Variants in CNTN5 observed in about 807,000 individuals in gnomAD.
CNTN5 encodes contactin 5.
CNTN5 carries 77 observed loss-of-function variants against 129.1 expected under a neutral mutation model. The observed-to-expected ratio is 0.60, with a 90% CI of 0.50 to 0.72. The LOEUF (loss-of-function observed/expected upper bound fraction) is 0.72. Among genes scored for constraint, CNTN5 ranks in the 30% least tolerant of loss-of-function variants. CNTN5 has a pLI of 0.00. For missense variants in CNTN5, 1,478 were observed against 1,328.8 expected, an observed-to-expected ratio of 1.11 and a Z score of -1.75; for synonymous variants, 509 against 465.6, an observed-to-expected ratio of 1.09 and a Z score of -1.20.
chr11:99,667,901 C>T (rs1488622227), intron 3 of CNTN5, among the ~76,000 whole-genome samples: 1 of 151,898 alleles, frequency 6.6e-6, no homozygotes, highest in East Asian at 1.9e-4. Context: ...ACCCATATAC[C>T]TATGTAACAA....
chr11:99,222,186 G>A (rs1410145255), intron 1 of CNTN5, among the ~76,000 whole-genome samples: 2 of 151,828 alleles, frequency 1.3e-5, no homozygotes, highest in Non-Finnish European at 2.9e-5. Flanking sequence ...ATGAATGTAT[G>A]TAATTAATAT....
intron 1 of CNTN5, among the ~76,000 whole-genome samples, chr11:99,194,608 A>AT (rs1052882560): frequency 2.8e-4 from 43 of 151,382 alleles, no homozygotes; most frequent in African/African-American, 7.7e-4. Context: ...CTATTGAATT[A>AT]TTTTTTTTTC....
chr11:99,686,010 T>C (rs1038105468), intron 3 of CNTN5, among the ~76,000 whole-genome samples: 13 of 152,102 alleles, frequency 8.5e-5, no homozygotes, highest in African/African-American at 2.4e-4. Context: ...TATACATCCT[T>C]GACTCTTTGA....
At chr11:99,948,189 T>A (rs1294916221) in intron 7 of CNTN5, among the ~76,000 whole-genome samples, 9 of 152,188 alleles carry the variant, frequency 5.9e-5, no homozygotes, top group Non-Finnish European at 1.5e-5. Flanking sequence ...CTGTGCGACT[T>A]TTCATGGTAA....
intron 1 of CNTN5, among the ~76,000 whole-genome samples, chr11:99,104,683 A>G (rs1866914452): frequency 2.0e-5 from 3 of 151,976 alleles, no homozygotes; most frequent in Non-Finnish European, 4.4e-5. Context: ...CCTTCCATAA[A>G]AATATACAAT....
intron 13 of CNTN5, among the ~76,000 whole-genome samples, chr11:100,176,939 C>T (rs1294459003): frequency 9.3e-5 from 14 of 151,338 alleles, no homozygotes; most frequent in African/African-American, 2.2e-4. Flanking sequence ...AAGACAGTTC[C>T]GAGATCTTCC....
chr11:99,397,821 A>G (rs1941604158), intron 2 of CNTN5, among the ~76,000 whole-genome samples: 1 of 151,836 alleles, frequency 6.6e-6, no homozygotes, highest in African/African-American at 2.4e-5. Flanking sequence ...TTTATCAGAA[A>G]ATGGTATTAG....
chr11:99,983,409 G>C (rs146114708), intron 8 of CNTN5, among the ~76,000 whole-genome samples: 353 of 152,266 alleles, frequency 2.3e-3, no homozygotes, highest in African/African-American at 8.2e-3. Flanking sequence ...GACAAGAGAA[G>C]TAAAATCCAA....
intron 13 of CNTN5, among the ~76,000 whole-genome samples, chr11:100,177,957 A>T (rs1032190485): frequency 8.5e-5 from 13 of 152,126 alleles, no homozygotes; most frequent in African/African-American, 3.1e-4. Context: ...GCATAAAAAA[A>T]CCTGCCAGGG....
chr11:99,697,770 A>G (rs986129744), intron 3 of CNTN5, among the ~76,000 whole-genome samples: 1 of 151,746 alleles, frequency 6.6e-6, no homozygotes, highest in African/African-American at 2.4e-5. Flanking sequence ...TGTGGGGTGT[A>G]TGGGAATTGT....
intron 3 of CNTN5, among the ~76,000 whole-genome samples, chr11:99,803,529 C>G (rs1200609934): frequency 6.6e-6 from 1 of 152,204 alleles, no homozygotes; most frequent in Non-Finnish European, 1.5e-5. Flanking sequence ...TTAAAAATGG[C>G]ATCCTGCTCT....
intron 1 of CNTN5, among the ~76,000 whole-genome samples, chr11:99,197,676 A>G (rs1224992336): frequency 6.6e-6 from 1 of 151,992 alleles, no homozygotes; most frequent in African/African-American, 2.4e-5. Context: ...GCCTTTTCTT[A>G]TACATGCTTG....
chr11:99,623,587 G>A (rs653186), intron 3 of CNTN5, among the ~76,000 whole-genome samples: 67,503 of 151,640 alleles, frequency 0.45, 15,389 homozygotes, highest in Admixed American at 0.58. Flanking sequence ...AAATGAAGAA[G>A]GCCATATTCT....
chr11:99,825,748 A>G (rs993805792), intron 4 of CNTN5, among the ~76,000 whole-genome samples: 2 of 152,042 alleles, frequency 1.3e-5, no homozygotes, highest in Non-Finnish European at 2.9e-5. Flanking sequence ...AAGTTTATCA[A>G]TCTAGTTGTT....
At chr11:99,588,249 C>T (rs1038189475) in intron 3 of CNTN5, among the ~76,000 whole-genome samples, 5 of 147,766 alleles carry the variant, frequency 3.4e-5, no homozygotes, top group Middle Eastern at 7.2e-3. Context: ...GAGGCTGAGG[C>T]AGGAGAATGG....
At chr11:100,260,921 A>G (rs1256217733) in intron 17 of CNTN5, among the ~76,000 whole-genome samples, 2 of 152,176 alleles carry the variant, frequency 1.3e-5, no homozygotes, top group Non-Finnish European at 2.9e-5. Flanking sequence ...TTTCTATTAA[A>G]AATAGTATCG....
At chr11:99,145,067 A>T (rs2135472417) in intron 1 of CNTN5, among the ~76,000 whole-genome samples, 1 of 152,074 alleles carries the variant, frequency 6.6e-6, no homozygotes, top group Admixed American at 6.6e-5. Flanking sequence ...CATAGGAAAT[A>T]ATTTTTATTT....
chr11:99,411,251 A>G (rs1212501071), intron 2 of CNTN5, among the ~76,000 whole-genome samples: 1 of 152,202 alleles, frequency 6.6e-6, no homozygotes, highest in Non-Finnish European at 1.5e-5. Context: ...AAGAGGGCCA[A>G]GAGCAGTAGC....
intron 2 of CNTN5, among the ~76,000 whole-genome samples, chr11:99,432,652 G>A (rs953655373): frequency 6.6e-6 from 1 of 151,878 alleles, no homozygotes; most frequent in East Asian, 1.9e-4. Flanking sequence ...AGAGCGAAAA[G>A]CTGCTAGGGT....
Sources: allele counts gnomAD v4.1 joint callset (sites outside exome capture counted in the v4.1 genomes callset), GRCh38; gene constraint gnomAD v4.1.1; transcripts MANE v1.5; gene names NCBI Gene and HGNC (gene_info 2026-07-23, HGNC 2026-07-21).